PI4KB: variants seen among roughly 807,000 people sequenced by gnomAD.
PI4KB encodes the protein PtdIns 4-kinase beta.
In PI4KB, 23 loss-of-function variants were observed where a neutral mutation model predicts 81.4. The ratio of observed to expected loss-of-function variants is 0.28; its 90% CI spans 0.20 to 0.40. PI4KB has a LOEUF of 0.40. Among genes scored for constraint, PI4KB ranks in the 10% least tolerant of loss-of-function variants. The pLI is 1.00. For synonymous variants in PI4KB, 381 were observed against 406.8 expected, an observed-to-expected ratio of 0.94 and a Z score of 0.76; for missense variants, 651 against 1,036.6, an observed-to-expected ratio of 0.63 and a Z score of 5.11.
At chr1:151,311,001 G>T (rs1361902212) in intron 2 of PI4KB, among the ~76,000 whole-genome samples, 1 of 152,210 alleles carries the variant, frequency 6.6e-6, no homozygotes, top group East Asian at 1.9e-4. Flanking sequence ...ATAAGTTGGG[G>T]AGTTAGCTAT....
In PI4KB at chr1:151,303,616, A is replaced by G. The variant is rs747494440; in HGVS notation, c.1445T>C (p.Ile482Thr). The G allele has an allele frequency of 1.2e-6, 2 of 1,613,858 alleles. No individual in the cohort carries two copies. The change falls in exon 6 of 12, where the codon ATC becomes ACC. Residue 482 changes from isoleucine (I) to threonine (T), a missense_variant. By Grantham distance (89) the Ile-to-Thr change is moderately conservative (BLOSUM62 -1). Transcript: ENST00000368873. ...GATGCTGTCCACAGAGAACTGGGAG[A>G]TGTTGTCACAGCTGTTGGTATGCAC... ...PEVHTNSCDN[I>T]SQFSVDSITS...
At chr1:151,323,258 A>G (rs764362882) in intron 1 of PI4KB, among the ~76,000 whole-genome samples, 10 of 152,146 alleles carry the variant, frequency 6.6e-5, no homozygotes, top group Non-Finnish European at 1.2e-4. Context: ...TAATCCCAGC[A>G]CTCTGGGAGG....
intron 1 of PI4KB, among the ~76,000 whole-genome samples, chr1:151,319,359 G>T (rs1329103745): frequency 6.6e-6 from 1 of 152,050 alleles, no homozygotes; most frequent in Non-Finnish European, 1.5e-5. Flanking sequence ...CAGTGTGTGT[G>T]TAACATAAAA....
In PI4KB at chr1:151,306,379, G is replaced by A; in HGVS notation, c.1183-16C>T. The A allele has an allele frequency of 1.9e-6, 3 of 1,549,366 alleles. No homozygotes were observed. The highest frequency in any genetic ancestry group is 1.1e-5 in the South Asian group (1 of 89,696). On this transcript the variant is annotated splice_polypyrimidine_tract_variant and intron_variant, in intron 4 of 11. Transcript: ENST00000368873. ...GGTAGGGAGCCTGGGGGAAGAGTGA[G>A]ACAGTATTTGCAACTTACTTCCACC...
chr1:151,303,663 G>C lies in PI4KB; in HGVS notation c.1411-13C>G, dbSNP rs77928968. ...GCACTTCGGGGAGCTGGAGAAAGGG[G>C]AGTGCTGGTCAGAAGTGCTAAAGTA... On this transcript the variant is annotated splice_polypyrimidine_tract_variant and intron_variant, in intron 5 of 11. Coordinates refer to ENST00000368873, the MANE Select transcript of PI4KB (RefSeq NM_001369623.2). The C allele has an allele frequency of 3.1e-3, 4,826 of 1,576,476 alleles. 126 individuals are homozygous for C. The African/African-American group carries it at 0.055, about 18-fold the overall frequency.
chr1:151,302,692 C>T (rs1280044068), intron 6 of PI4KB, among the ~76,000 whole-genome samples: 1 of 151,292 alleles, frequency 6.6e-6, no homozygotes, highest in African/African-American at 2.4e-5. Flanking sequence ...ATTCTCCTGC[C>T]TCAGCCTCCC....
chr1:151,327,292 G>A lies in PI4KB; in HGVS notation c.-50C>T, dbSNP rs536910164. ...TTACCTCTGGGGGACCCCCGCGGAG[G>A]GGGTGCGGGCAGTCGCGGTTGGACT... On this transcript the variant is annotated 5_prime_UTR_variant, in exon 1 of 12. Coordinates refer to ENST00000368873, the MANE Select transcript of PI4KB (RefSeq NM_001369623.2). The A allele has an allele frequency of 5.1e-4, 176 of 344,400 alleles. No individual in the cohort carries two copies. The highest frequency in any genetic ancestry group is 1.6e-3 in the Middle Eastern group (2 of 1,286). The allele number at this position is 344,400 out of a possible 1,614,324, so 21.3% of individuals were successfully genotyped here.
intron 6 of PI4KB, among the ~76,000 whole-genome samples, chr1:151,302,688 C>G (rs1265028159): frequency 2.0e-5 from 3 of 151,280 alleles, no homozygotes; most frequent in Non-Finnish European, 2.9e-5. Context: ...CGCCATTCTC[C>G]TGCCTCAGCC....
chr1:151,304,988 C>G (rs756267839), intron 5 of PI4KB, among the ~76,000 whole-genome samples: 11 of 152,118 alleles, frequency 7.2e-5, no homozygotes, highest in Non-Finnish European at 7.3e-5. Flanking sequence ...TGCCACCACG[C>G]CCGGCTAATT....
intron 11 of PI4KB, 56 bp downstream of exon 11, chr1:151,293,962 C>T (rs1364384148): frequency 1.2e-6 from 2 of 1,607,468 alleles, no homozygotes; most frequent in Admixed American, 1.7e-5. Context: ...CTCCAGGGCT[C>T]CGACTTAAAG....
chr1:151,320,766 T>A (rs1311369133), intron 1 of PI4KB, among the ~76,000 whole-genome samples: 1 of 152,236 alleles, frequency 6.6e-6, no homozygotes, highest in African/African-American at 2.4e-5. Flanking sequence ...TAGGTCTGCT[T>A]AGAAACTCAT....
chr1:151,292,744 T>C lies in PI4KB; in HGVS notation c.*108A>G. 1 of 968,020 alleles carries C rather than the reference T, an allele frequency of 1.0e-6. No individual in the cohort carries two copies. 60.0% of individuals were successfully genotyped at this position (968,020 alleles called of 1,614,324 possible). A position where few individuals can be genotyped will look rare whatever the true frequency, so the allele number is the denominator to read the frequency against. ...CGTGTTTCTTGCCTTCCATTTCCCT[T>C]GGGTGGATGGTTGGGTAGGTGGGGT... On this transcript the variant is annotated 3_prime_UTR_variant, in exon 12 of 12. Transcript: ENST00000368873.
intron 3 of PI4KB, 123 bp from the exon 4 acceptor site, chr1:151,307,924 C>G (rs1536617): frequency 0.76 from 518,345 of 682,210 alleles, 198,430 homozygotes; most frequent in African/African-American, 0.84. Flanking sequence ...TCCAGGAAAG[C>G]AGCTGCTTTT....
In PI4KB at chr1:151,292,663, C is replaced by T. The variant is rs912627947; in HGVS notation, c.*189G>A. On this transcript the variant is annotated 3_prime_UTR_variant, in exon 12 of 12. Coordinates refer to ENST00000368873, the MANE Select transcript of PI4KB (RefSeq NM_001369623.2). ...CAGGGAAGCCCCAACAAGTCTGGACCCCACAGCTGGCTCTCCCACCCCTCA... is the reference window on the plus strand; with the variant it reads ...CAGGGAAGCCCCAACAAGTCTGGACTCCACAGCTGGCTCTCCCACCCCTCA... 3.3e-6 allele frequency: 2 copies of T among 602,202 alleles called. No homozygotes were observed. The highest frequency in any genetic ancestry group is 3.7e-5 in the African/African-American group (2 of 53,622). 37.3% of individuals were successfully genotyped at this position (602,202 alleles called of 1,614,324 possible).
chr1:151,326,100 G>A, intron 1 of PI4KB: 1 of 1,366,706 alleles, frequency 7.3e-7, no homozygotes, highest in South Asian at 1.2e-5. Flanking sequence ...GGACAGGGGT[G>A]AGAAGGCACT....
In PI4KB at chr1:151,310,328, T is replaced by C. The variant is rs1004571378; in HGVS notation, c.910-73A>G. The C allele has an allele frequency of 4.1e-6, 4 of 984,488 alleles. No homozygotes were observed. In the African/African-American group the frequency reaches 4.8e-5, roughly 12 times the overall value. 61.0% of individuals were successfully genotyped at this position (984,488 alleles called of 1,614,324 possible). Reference sequence around the variant, plus strand: ...AGGGGAGAGAGACAAAGGTAAAGAATTTAGCTCCAACTTGGATCGTAACTG... The same window carrying C: ...AGGGGAGAGAGACAAAGGTAAAGAACTTAGCTCCAACTTGGATCGTAACTG... On this transcript the variant is annotated intron_variant, in intron 2 of 11. Transcript: ENST00000368873.
At chr1:151,298,709 C>A in intron 9 of PI4KB, 99 bp downstream of exon 9, 4 of 1,256,020 alleles carry the variant, frequency 3.2e-6, no homozygotes, top group Non-Finnish European at 4.5e-6. Context: ...TTTTTCACAT[C>A]TTTGCCATGG....
At chr1:151,294,163 T>G (rs773147728) in intron 10 of PI4KB, 25 bp from the exon 11 acceptor site, 3 of 1,605,030 alleles carry the variant, frequency 1.9e-6, no homozygotes, top group African/African-American at 2.7e-5. Flanking sequence ...GAGCGTTGTG[T>G]GCACAAGGGG....
rs1694415676 is a variant in PI4KB, at chr1:151,292,882, G to T, written c.2421C>A (p.Gly807=). ...MRSITTKLYD[G]FQYLTNGIM is the part of the protein sequence containing the mutation. Reference sequence around the variant, plus strand: ...TGATGCCGTTGGTGAGGTACTGGAAGCCGTCATAGAGTTTGGTGGTGATAG... The same window carrying T: ...TGATGCCGTTGGTGAGGTACTGGAATCCGTCATAGAGTTTGGTGGTGATAG... The change falls in exon 12 of 12, where the codon GGC becomes GGA. Residue 807 remains glycine (G), a synonymous_variant. Transcript: ENST00000368873. The T allele has an allele frequency of 6.2e-7, 1 of 1,614,136 alleles. No individual in the cohort carries two copies. The highest frequency in any genetic ancestry group is 1.7e-5 in the Admixed American group (1 of 60,020).
Sources: allele counts gnomAD v4.1 joint callset (sites outside exome capture counted in the v4.1 genomes callset), GRCh38; gene constraint gnomAD v4.1.1; transcripts MANE v1.5; gene names NCBI Gene and HGNC (gene_info 2026-07-23, HGNC 2026-07-21).